ABCC6: variants seen among roughly 807,000 people sequenced by gnomAD.
The protein encoded by ABCC6 is ATP-binding cassette sub-family C member 6.
A neutral mutation model predicts 169.5 loss-of-function variants in ABCC6; 126 were observed. That is an observed-to-expected ratio of 0.74 (90% CI 0.64 to 0.86). ABCC6 has a LOEUF of 0.86. Ranked by LOEUF, ABCC6 falls within the 40% of genes least tolerant of loss-of-function variation. ABCC6 has a pLI of 0.00. For missense variants in ABCC6, 1,733 were observed against 1,927.2 expected, an observed-to-expected ratio of 0.90 and a Z score of 1.89; for synonymous variants, 752 against 814.7, an observed-to-expected ratio of 0.92 and a Z score of 1.31.
In ABCC6 at chr16:16,190,159, G is replaced by T. The variant is rs545106514; in HGVS notation, c.1635+5C>A. 1.9e-6 allele frequency: 3 copies of T among 1,613,240 alleles called. No homozygotes were observed. The highest frequency in any genetic ancestry group is 2.2e-5 in the East Asian group (1 of 44,870). ...TGCTCAGCATAGAGACTAGAGTGACGTCACCAGAAATGTAGACACTTGGAA... is the reference window on the plus strand; with the variant it reads ...TGCTCAGCATAGAGACTAGAGTGACTTCACCAGAAATGTAGACACTTGGAA... On this transcript the variant is annotated splice_donor_5th_base_variant and intron_variant, in intron 12 of 30. Transcript: ENST00000205557.
intron 17 of ABCC6, among the ~76,000 whole-genome samples, chr16:16,179,749 C>T (rs1053080355): frequency 1.3e-5 from 2 of 152,142 alleles, no homozygotes; most frequent in Non-Finnish European, 2.9e-5. Flanking sequence ...CACTACCACG[C>T]CTGGCTAGTT....
At chr16:16,199,038 C>T (rs1013265046) in intron 9 of ABCC6, among the ~76,000 whole-genome samples, 2 of 132,322 alleles carry the variant, frequency 1.5e-5, no homozygotes, top group Non-Finnish European at 3.5e-5. Context: ...TTGTGGTGCG[C>T]CTGTGGTCCT....
chr16:16,189,672 C>A (rs983897631), intron 12 of ABCC6, among the ~76,000 whole-genome samples: 7 of 152,176 alleles, frequency 4.6e-5, no homozygotes, highest in Non-Finnish European at 1.0e-4. Context: ...CCCACCTCGG[C>A]CTCCCAAAGT....
intron 30 of ABCC6, 126 bp downstream of exon 30, chr16:16,150,452 C>A: frequency 6.7e-7 from 1 of 1,497,544 alleles, no homozygotes; most frequent in Non-Finnish European, 8.9e-7. Flanking sequence ...GGGCATTCCT[C>A]CCGCTCTGGC....
At chr16:16,191,708 C>G in intron 11 of ABCC6, among the ~76,000 whole-genome samples, 1 of 149,072 alleles carries the variant, frequency 6.7e-6, no homozygotes. Context: ...CTTCCGCCCT[C>G]AATTCTTTCC....
rs1371591583 is a variant in ABCC6, at chr16:16,222,361, TTTG to T, written c.37-533_37-531del. 4.6e-5 allele frequency among the ~76,000 whole-genome samples: 7 copies of T among 151,748 alleles called. No homozygotes were observed. In the Admixed American group the frequency reaches 4.7e-4, roughly 10 times the overall value. On this transcript the variant is annotated intron_variant, in intron 1 of 30. Coordinates refer to ENST00000205557, the MANE Select transcript of ABCC6 (RefSeq NM_001171.6). Reference sequence around the variant, plus strand: ...TTCGACTGGTGGTCTTGATGTATGATTTGTTTTTATTTTTTATTATTAATTAAT... The same window carrying T: ...TTCGACTGGTGGTCTTGATGTATGATTTTTTATTTTTTATTATTAATTAAT...
intron 24 of ABCC6, among the ~76,000 whole-genome samples, chr16:16,162,033 A>C (rs2046737916): frequency 6.6e-6 from 1 of 152,150 alleles, no homozygotes; most frequent in Non-Finnish European, 1.5e-5. Context: ...AGGATGCGGC[A>C]GTTCCCACCT....
intron 6 of ABCC6, among the ~76,000 whole-genome samples, chr16:16,211,566 C>T: frequency 6.6e-6 from 1 of 152,286 alleles, no homozygotes; most frequent in Middle Eastern, 3.4e-3. Flanking sequence ...GGTTAAGTAA[C>T]TGTCCAAAGC....
intron 10 of ABCC6, among the ~76,000 whole-genome samples, 170 bp downstream of exon 10, chr16:16,197,851 C>A (rs1053308797): frequency 6.6e-6 from 1 of 151,598 alleles, no homozygotes; most frequent in Admixed American, 6.6e-5. Context: ...CTGACACCAA[C>A]CTGGTTCTCC....
chr16:16,192,748 C>G, intron 11 of ABCC6, 82 bp downstream of exon 11: 1 of 1,341,850 alleles, frequency 7.5e-7, no homozygotes, highest in Non-Finnish European at 1.1e-6. Context: ...GCACTCAGCT[C>G]TCCCCTCCGC....
In ABCC6 at chr16:16,179,595, G is replaced by A. The variant is rs552686547; in HGVS notation, c.2248-630C>T. Among the ~76,000 whole-genome samples the A allele has an allele frequency of 5.5e-4, 83 of 152,022 alleles. 1 individual carries two copies. Among genetic ancestry groups the A allele is most frequent in the Non-Finnish European group, 1.0e-3 (68 of 67,964 alleles). ...TATTATTATTATTACTGCTGTTGTC[G>A]TTGTTATTATTGAGATGGAGTTTTG... On this transcript the variant is annotated intron_variant, in intron 17 of 30. Transcript: ENST00000205557.
intron 17 of ABCC6, 69 bp from the exon 18 acceptor site, chr16:16,179,034 G>A (rs2047384535): frequency 6.6e-7 from 1 of 1,526,036 alleles, no homozygotes; most frequent in South Asian, 1.2e-5. Flanking sequence ...CCCAGGCTGT[G>A]GCAGGTCAGG....
chr16:16,197,319 C>T (rs929203098), intron 10 of ABCC6, among the ~76,000 whole-genome samples: 2 of 152,080 alleles, frequency 1.3e-5, no homozygotes, highest in Non-Finnish European at 2.9e-5. Flanking sequence ...GGGTGAACTT[C>T]CTGCCCAAGG....
intron 21 of ABCC6, 94 bp downstream of exon 21, chr16:16,173,189 GA>G: frequency 1.3e-6 from 2 of 1,557,000 alleles, no homozygotes; most frequent in Non-Finnish European, 1.8e-6. Flanking sequence ...CAAGAAAGGT[GA>G]GTATCACTGC....
chr16:16,197,595 G>C (rs2048089328), intron 10 of ABCC6, among the ~76,000 whole-genome samples: 1 of 149,228 alleles, frequency 6.7e-6, no homozygotes, highest in Non-Finnish European at 1.5e-5. Flanking sequence ...TGGAGCAGGA[G>C]AGAGGAAGAG....
In ABCC6 at chr16:16,188,907, A is replaced by G. The variant is rs66864704; in HGVS notation, c.1703T>C (p.Phe568Ser). 120 of 1,614,002 alleles carry G rather than the reference A, an allele frequency of 7.4e-5. 1 individual carries two copies. The Admixed American group carries it at 1.2e-3, about 17-fold the overall frequency. ...AENAMNAEKAFVTLTVLNILN... is the reference protein window; with the variant it reads ...AENAMNAEKASVTLTVLNILN... ...GATGTTGAGAACTGTGAGAGTCACA[A>G]AGGCTTTCTCTGCATTCATAGCATT... is the stretch of plus-strand genomic sequence containing the variant. Residue 568 changes from phenylalanine (F) to serine (S), a missense_variant, in exon 13 of 31, where the codon TTT becomes TCT. By Grantham distance (155) the Phe-to-Ser change is radical (BLOSUM62 -2). Around this residue, in one of 5 missense-constraint regions of ABCC6, gnomAD observed 1,601 missense variants for 1,635.5 expected, o/e 0.98. Coordinates refer to ENST00000205557, the MANE Select transcript of ABCC6 (RefSeq NM_001171.6).
intron 7 of ABCC6, among the ~76,000 whole-genome samples, chr16:16,205,544 G>C (rs528988724): frequency 6.6e-6 from 1 of 152,158 alleles, no homozygotes; most frequent in South Asian, 2.1e-4. Flanking sequence ...ATCTATGGAG[G>C]GTTGTGGTTC....
rs922817511 is a variant in ABCC6, at chr16:16,161,678, A to G, written c.3507-114T>C. 8 of 1,425,952 alleles carry G rather than the reference A, an allele frequency of 5.6e-6. No homozygotes were observed. In the East Asian group the frequency reaches 7.2e-5, roughly 13 times the overall value. 88.3% of individuals were successfully genotyped at this position (1,425,952 alleles called of 1,614,324 possible). A position where few individuals can be genotyped will look rare whatever the true frequency, so the allele number is the denominator to read the frequency against. On this transcript the variant is annotated intron_variant, in intron 24 of 30. Transcript: ENST00000205557. ...CTTTGTACACACAGGGGTCCCAGCA[A>G]TGGCCTCCACATGCAACCCAGGCTC...
chr16:16,214,902 G>A (rs1394895760), intron 4 of ABCC6, among the ~76,000 whole-genome samples: 1 of 152,160 alleles, frequency 6.6e-6, no homozygotes, highest in African/African-American at 2.4e-5. Flanking sequence ...GAGCCACCAT[G>A]CCCAGCAGGT....
Sources: gnomAD v4.1 joint callset for allele counts (sites outside exome capture counted in the v4.1 genomes callset) on GRCh38, gnomAD v4.1.1 for gene constraint, gnomAD v4.1.1 regional missense constraint, MANE v1.5 for transcripts, NCBI Gene and HGNC (gene_info 2026-07-23, HGNC 2026-07-21) for gene names.